Variants in GALNT2 observed in about 807,000 individuals in gnomAD.
GALNT2 encodes UDP-GalNAc:polypeptide N-acetylgalactosaminyltransferase 2.
Under a neutral mutation model 81.4 loss-of-function variants are expected in GALNT2, and 31 were observed. The observed-to-expected ratio is 0.38, with a 90% confidence interval of 0.29 to 0.51. The LOEUF (loss-of-function observed/expected upper bound fraction) is 0.51. GALNT2 is among the 20% of genes least tolerant of loss of function. The pLI, the probability that GALNT2 is intolerant of heterozygous loss-of-function variation, is 0.87. For missense variants in GALNT2, 629 were observed against 765.7 expected, an observed-to-expected ratio of 0.82 and a Z score of 2.11; for synonymous variants, 303 against 287.4, an observed-to-expected ratio of 1.05 and a Z score of -0.55.
At chr1:230,276,388 G>A (rs550840403) in intron 15 of GALNT2, among the ~76,000 whole-genome samples, 3 of 152,160 alleles carry the variant, frequency 2.0e-5, no homozygotes, top group African/African-American at 4.8e-5. Context: ...TCTTACAGTC[G>A]GTCCTTAGAG....
intron 2 of GALNT2, among the ~76,000 whole-genome samples, chr1:230,189,281 C>T (rs642235): frequency 6.6e-6 from 1 of 151,906 alleles, no homozygotes; most frequent in Non-Finnish European, 1.5e-5. Flanking sequence ...TCTCCTTGAG[C>T]CCCCTCCCCA....
chr1:230,090,797 A>C (rs1264932992), intron 1 of GALNT2, among the ~76,000 whole-genome samples: 1 of 152,224 alleles, frequency 6.6e-6, no homozygotes, highest in East Asian at 1.9e-4. Flanking sequence ...TATGAGTTAA[A>C]GTAAGAGAGA....
chr1:230,198,076 A>G (rs907192459), intron 2 of GALNT2, among the ~76,000 whole-genome samples: 4 of 152,238 alleles, frequency 2.6e-5, no homozygotes, highest in African/African-American at 9.6e-5. Context: ...ATGTGTAAGA[A>G]CTAACACGAA....
At chr1:230,109,123 G>C (rs753860254) in intron 1 of GALNT2, among the ~76,000 whole-genome samples, 9 of 152,198 alleles carry the variant, frequency 5.9e-5, no homozygotes, top group African/African-American at 1.9e-4. Context: ...TTGAATTCCC[G>C]CTCCACCAGT....
intron 2 of GALNT2, among the ~76,000 whole-genome samples, chr1:230,178,768 G>A (rs116478887): frequency 0.012 from 1,748 of 151,638 alleles, 36 homozygotes; most frequent in African/African-American, 0.04. Context: ...GCATTGACAC[G>A]TCATCATCAC....
rs1376699254 is a variant in GALNT2, at chr1:230,179,156, A to T, written c.220+845A>T. 2.6e-5 allele frequency among the ~76,000 whole-genome samples: 4 copies of T among 151,848 alleles called. No individual in the cohort carries two copies. The East Asian group carries it at 7.7e-4, about 29-fold the overall frequency. ...TGGCTGGATAGCTCATTTCTTAATG[A>T]ATTAACATTCCATTGTCTGGGTGTA... On this transcript the variant is annotated intron_variant, in intron 2 of 15. Coordinates refer to ENST00000366672, the MANE Select transcript of GALNT2 (RefSeq NM_004481.5).
chr1:230,160,695 CTGAG>C (rs111409587), intron 1 of GALNT2, among the ~76,000 whole-genome samples: 5 of 150,656 alleles, frequency 3.3e-5, no homozygotes, highest in African/African-American at 1.2e-4. Flanking sequence ...GCCTGGGTGA[CTGAG>C]TGAGACTCCA....
intron 3 of GALNT2, among the ~76,000 whole-genome samples, chr1:230,212,084 A>G (rs1259179080): frequency 6.6e-6 from 1 of 152,166 alleles, no homozygotes; most frequent in East Asian, 1.9e-4. Flanking sequence ...CAGGGATTTT[A>G]CAGTTACTAA....
chr1:230,111,669 A>T (rs1307263915), intron 1 of GALNT2, among the ~76,000 whole-genome samples: 1 of 152,220 alleles, frequency 6.6e-6, no homozygotes, highest in Non-Finnish European at 1.5e-5. Flanking sequence ...CACTTTGATT[A>T]GCTTGTTGCG....
rs967929408 is a variant in GALNT2 at position 230,193,565 on chromosome 1, C to G, written c.221-9572C>G. ...TTGTGATGTTAATTCTTTGAAGGGT[C>G]AGTTTTATAGGTTTCTGTCATCTTT... On this transcript the variant is annotated intron_variant, in intron 2 of 15. Transcript: ENST00000366672. This position sits in a 1 kb window ranked among gnomAD's most constrained non-coding sequence, Gnocchi z 4.3. Among the ~76,000 whole-genome samples the G allele has an allele frequency of 1.3e-5, 2 of 150,752 alleles. No homozygotes were observed. The highest frequency in any genetic ancestry group is 1.3e-4 in the Admixed American group (2 of 15,126).
intron 1 of GALNT2, among the ~76,000 whole-genome samples, chr1:230,140,594 T>C: frequency 6.6e-6 from 1 of 152,256 alleles, no homozygotes. Context: ...CTCCAGCCTG[T>C]GCTTCCTGGA....
At chr1:230,127,813 G>C (rs540689177) in intron 1 of GALNT2, among the ~76,000 whole-genome samples, 1 of 152,162 alleles carries the variant, frequency 6.6e-6, no homozygotes, top group African/African-American at 2.4e-5. Context: ...TTTGAGGTGT[G>C]AATTGTTGCA....
intron 1 of GALNT2, among the ~76,000 whole-genome samples, chr1:230,162,919 A>G (rs1381546941): frequency 6.6e-6 from 1 of 152,198 alleles, no homozygotes; most frequent in Non-Finnish European, 1.5e-5. Flanking sequence ...AAGCATGAGA[A>G]TGGACAATTT....
At chr1:230,076,273 A>G (rs570322768) in intron 1 of GALNT2, among the ~76,000 whole-genome samples, 3 of 152,356 alleles carry the variant, frequency 2.0e-5, no homozygotes, top group South Asian at 4.1e-4. Flanking sequence ...ACTTCTGTGA[A>G]GCACCAAGCA....
At chr1:230,075,911 G>C (rs1428160958) in intron 1 of GALNT2, among the ~76,000 whole-genome samples, 2 of 152,124 alleles carry the variant, frequency 1.3e-5, no homozygotes, top group African/African-American at 4.8e-5. Flanking sequence ...GGTAGCCCCT[G>C]GTTTCATCTT....
chr1:230,266,313 G>A (rs991561009), intron 14 of GALNT2, among the ~76,000 whole-genome samples: 1 of 152,084 alleles, frequency 6.6e-6, no homozygotes, highest in Non-Finnish European at 1.5e-5. Context: ...TCTAAAAACA[G>A]TTTTCCCATG....
chr1:230,198,793 A>C (rs997695403), intron 2 of GALNT2, among the ~76,000 whole-genome samples: 1 of 152,196 alleles, frequency 6.6e-6, no homozygotes, highest in Non-Finnish European at 1.5e-5. Context: ...GACCACATCT[A>C]AGAGAAGTCT....
At chr1:230,277,633 C>T (rs1033335375) in intron 15 of GALNT2, among the ~76,000 whole-genome samples, 1 of 152,206 alleles carries the variant, frequency 6.6e-6, no homozygotes, top group Non-Finnish European at 1.5e-5. Context: ...CTGGCAAGAA[C>T]TCCAGGTGAG....
At chr1:230,181,430 C>T (rs114277404) in intron 2 of GALNT2, among the ~76,000 whole-genome samples, 1,647 of 152,302 alleles carry the variant, frequency 0.011, 26 homozygotes, top group African/African-American at 0.037. Context: ...TGTTGCATAA[C>T]TGGCATAAAT....
Sources: allele counts gnomAD v4.1 joint callset (sites outside exome capture counted in the v4.1 genomes callset), GRCh38; gene constraint gnomAD v4.1.1; non-coding constraint Gnocchi (gnomAD v3.1); transcripts MANE v1.5; gene names NCBI Gene and HGNC (gene_info 2026-07-23, HGNC 2026-07-21).